Variants in PCDHA2 observed in about 807,000 individuals in gnomAD.
PCDHA2 encodes protocadherin alpha-2.
A neutral mutation model predicts 66.0 loss-of-function variants in PCDHA2; 58 were observed. The ratio of observed to expected loss-of-function variants is 0.88; its 90% CI spans 0.71 to 1.09. The LOEUF (loss-of-function observed/expected upper bound fraction) is 1.09, where lower values mean the gene tolerates loss of function less well. PCDHA2 is among the 50% of genes least tolerant of loss of function. The pLI is 0.00. For missense variants in PCDHA2, 1,267 were observed against 1,242.3 expected, an observed-to-expected ratio of 1.02 and a Z score of -0.30; for synonymous variants, 634 against 554.0, an observed-to-expected ratio of 1.14 and a Z score of -2.03.
intron 1 of PCDHA2, among the ~76,000 whole-genome samples, chr5:140,916,163 C>T (rs546851152): frequency 4.6e-5 from 7 of 152,184 alleles, no homozygotes; most frequent in Admixed American, 1.3e-4. Context: ...TGAATGCTGC[C>T]AGGCCTGGGA....
chr5:140,915,864 T>A (rs1170888594), intron 1 of PCDHA2, among the ~76,000 whole-genome samples: 1 of 152,166 alleles, frequency 6.6e-6, no homozygotes. Flanking sequence ...CAAGTTTGCA[T>A]CCTTCCCTTT....
At chr5:140,816,402 T>C (rs2126671335) in intron 1 of PCDHA2, 3 of 152,218 alleles carry the variant, frequency 2.0e-5, no homozygotes, top group Admixed American at 6.5e-5. Context: ...TGCTTATGCA[T>C]TATTTTCCTG....
rs1200835158 is a variant in PCDHA2 at position 140,797,154 on chromosome 5, TGC to T, written c.2199_2200del (p.Pro734ArgfsTer41). Reference sequence around the variant, plus strand: ...GGTGCTCGGTGCCACCCACCGAGGGTGCGCGCGCGCCAGGAAAGCCCACGCTG... The same window carrying T: ...GGTGCTCGGTGCCACCCACCGAGGGTGCGCGCGCCAGGAAAGCCCACGCTG... ...LRCSVPPTEG[A>X]RAPGKPTLVC... On this transcript the variant is annotated frameshift_variant, in exon 1 of 4. Coordinates refer to ENST00000526136, the MANE Select transcript of PCDHA2 (RefSeq NM_018905.3). LOFTEE classifies it high-confidence loss of function. The T allele has an allele frequency of 6.2e-7, 1 of 1,613,844 alleles. No individual in the cohort carries two copies. The highest frequency in any genetic ancestry group is 8.5e-7 in the Non-Finnish European group (1 of 1,179,962).
Position 140,822,186 on chromosome 5 carries a change from A to G in PCDHA2, c.2388+24834A>G, listed in dbSNP as rs2150114425. 8.1e-6 allele frequency: 13 copies of G among 1,614,252 alleles called. 1 individual carries two copies. The South Asian group carries it at 1.3e-4, about 16-fold the overall frequency. ...CGCCCAGGTTCTCCAGACAAGAACA[A>G]AGATTATTCATTTTAGAGTCAAGAA... On this transcript the variant is annotated intron_variant, in intron 1 of 3. Transcript: ENST00000526136.
intron 1 of PCDHA2, chr5:140,852,643 C>A: frequency 2.1e-6 from 2 of 958,796 alleles, no homozygotes; most frequent in Non-Finnish European, 2.5e-6. Context: ...TGTCATTAAA[C>A]CTATCTATAT....
chr5:140,836,230 C>T, intron 1 of PCDHA2: 5 of 1,613,786 alleles, frequency 3.1e-6, no homozygotes, highest in Non-Finnish European at 4.2e-6. Context: ...CCGGTGGCGG[C>T]CGGTGCGAGC....
rs2150513075 is a variant in PCDHA2, at chr5:140,852,180, T to C, written c.2388+54828T>C. The C allele has an allele frequency of 3.0e-5, 23 of 771,014 alleles. 2 individuals carry two copies. The highest frequency in any genetic ancestry group is 3.4e-5 in the Non-Finnish European group (21 of 620,092). The allele number at this position is 771,014 out of a possible 1,614,324, so 47.8% of individuals were successfully genotyped here. On this transcript the variant is annotated intron_variant, in intron 1 of 3. Coordinates refer to ENST00000526136, the MANE Select transcript of PCDHA2 (RefSeq NM_018905.3). ...GAGAATAGAGCCACAAAAATAACTATGAAAATGCCAGTAACGTTTATTTAA... is the reference window on the plus strand; with the variant it reads ...GAGAATAGAGCCACAAAAATAACTACGAAAATGCCAGTAACGTTTATTTAA...
chr5:140,936,270 T>C (rs1367001317), intron 1 of PCDHA2, among the ~76,000 whole-genome samples: 1 of 152,226 alleles, frequency 6.6e-6, no homozygotes, highest in African/African-American at 2.4e-5. Flanking sequence ...GAAGATATAT[T>C]CCTGTGTTTT....
Position 140,974,282 on chromosome 5 carries a change from T to C in PCDHA2, c.2389-4667T>C, listed in dbSNP as rs115449410. Among the ~76,000 whole-genome samples, 1,252 of 152,332 alleles carry C rather than the reference T, an allele frequency of 8.2e-3. 23 individuals carry two copies. The highest frequency in any genetic ancestry group is 0.028 in the African/African-American group (1,180 of 41,572). ...TTCTGGCCTTCCAGGGTCAGAACTC[T>C]GGGCTCCAAGGAGGTACAACTGTGA... On this transcript the variant is annotated intron_variant, in intron 1 of 3. Coordinates refer to ENST00000526136, the MANE Select transcript of PCDHA2 (RefSeq NM_018905.3).
At chr5:140,833,751 AAC>A (rs2150210782) in intron 1 of PCDHA2, among the ~76,000 whole-genome samples, 1,564 of 151,344 alleles carry the variant, frequency 0.01, 31 homozygotes, top group African/African-American at 0.036. Context: ...CTAAAAAGAA[AAC>A]ACACACACAC....
At chr5:140,832,649 A>C (rs2150203199) in intron 1 of PCDHA2, among the ~76,000 whole-genome samples, 147 of 152,206 alleles carry the variant, frequency 9.7e-4, no homozygotes, top group Non-Finnish European at 2.0e-3. Flanking sequence ...GGTCTTTAAG[A>C]GTATCACACT....
At chr5:140,807,878 A>G in intron 1 of PCDHA2, 8 of 1,613,786 alleles carry the variant, frequency 5.0e-6, no homozygotes, top group Non-Finnish European at 6.8e-6. Flanking sequence ...GTTACTCATC[A>G]CAGTACTGGA....
intron 1 of PCDHA2, among the ~76,000 whole-genome samples, chr5:140,827,148 G>A (rs1339537792): frequency 6.6e-6 from 1 of 152,156 alleles, no homozygotes; most frequent in African/African-American, 2.4e-5. Flanking sequence ...AAGGGATGCA[G>A]ATATGGATTT....
chr5:140,858,772 A>G lies in PCDHA2; in HGVS notation c.2388+61420A>G. ...TTTCGTTACAAATATTTGTGAGATTAGTACTTCATGTTATTTCATTTCCAA... is the reference window on the plus strand; with the variant it reads ...TTTCGTTACAAATATTTGTGAGATTGGTACTTCATGTTATTTCATTTCCAA... On this transcript the variant is annotated intron_variant, in intron 1 of 3. Transcript: ENST00000526136. 1.4e-5 allele frequency: 6 copies of G among 437,250 alleles called. No homozygotes were observed. In the South Asian group the frequency reaches 1.5e-4, roughly 11 times the overall value. 27.1% of individuals were successfully genotyped at this position (437,250 alleles called of 1,614,324 possible).
chr5:140,903,642 A>G (rs1583499752), intron 1 of PCDHA2, among the ~76,000 whole-genome samples: 2 of 152,374 alleles, frequency 1.3e-5, no homozygotes, highest in East Asian at 3.8e-4. Context: ...CATATACCAT[A>G]TACATATATT....
chr5:140,836,738 T>C, intron 1 of PCDHA2: 1 of 1,603,644 alleles, frequency 6.2e-7, no homozygotes, highest in Non-Finnish European at 8.5e-7. Flanking sequence ...CTACAGACAA[T>C]GTGAGTCATA....
intron 1 of PCDHA2, among the ~76,000 whole-genome samples, chr5:140,818,703 T>C (rs2150102081): frequency 1.3e-5 from 2 of 152,262 alleles, no homozygotes; most frequent in Admixed American, 6.5e-5. Context: ...CTAGATGTGG[T>C]GGTGCACACC....
chr5:140,925,641 TATA>T (rs10569930), intron 1 of PCDHA2, among the ~76,000 whole-genome samples: 13,718 of 143,270 alleles, frequency 0.096, 957 homozygotes, highest in East Asian at 0.35. Context: ...GAACTTAAAG[TATA>T]ATAATAATAA....
chr5:140,809,301 G>A, intron 1 of PCDHA2: 1 of 1,614,118 alleles, frequency 6.2e-7, no homozygotes, highest in Non-Finnish European at 8.5e-7. Flanking sequence ...ATTGCCATCT[G>A]CGCGGTGTCC....
Sources: allele counts gnomAD v4.1 joint callset (sites outside exome capture counted in the v4.1 genomes callset), GRCh38; gene constraint gnomAD v4.1.1; transcripts MANE v1.5; gene names NCBI Gene and HGNC (gene_info 2026-07-23, HGNC 2026-07-21).